LOC112694756: variants seen among roughly 807,000 people sequenced by gnomAD.
chr16:30,067,445 C>T, the LOC112694756 span: 92 of 1,613,332 alleles, frequency 5.7e-5, no homozygotes, highest in Non-Finnish European at 7.4e-5. Flanking sequence ...ATGTGACACT[C>T]CCAGGGAGCA....
chr16:30,069,617 A>C, the LOC112694756 span: 1 of 1,614,070 alleles, frequency 6.2e-7, no homozygotes, highest in South Asian at 1.1e-5. Flanking sequence ...TCTCATGAGG[A>C]GATTGCCATG....
chr16:30,065,542 C>T, the LOC112694756 span: 1 of 152,436 alleles, frequency 6.6e-6, no homozygotes, highest in South Asian at 2.1e-4. Flanking sequence ...CCCTAGCGAC[C>T]CGCGGGATGT....
the LOC112694756 span, among the ~76,000 whole-genome samples, chr16:30,060,856 G>GT: frequency 2.0e-5 from 3 of 152,186 alleles, no homozygotes; most frequent in African/African-American, 4.8e-5. Context: ...TCTGTTGACA[G>GT]TAGCACAGCC....
chr16:30,060,588 C>T, the LOC112694756 span, among the ~76,000 whole-genome samples: 4 of 152,152 alleles, frequency 2.6e-5, no homozygotes, highest in Non-Finnish European at 5.9e-5. Flanking sequence ...ATGACAAGAT[C>T]TAAACCCTTC....
chr16:30,065,261 G>A, the LOC112694756 span, among the ~76,000 whole-genome samples: 8 of 152,196 alleles, frequency 5.3e-5, no homozygotes, highest in Non-Finnish European at 1.5e-5. Flanking sequence ...TCGGCTCCGC[G>A]CCGATTCAGC....
the LOC112694756 span, among the ~76,000 whole-genome samples, chr16:30,056,649 G>A: frequency 1.3e-5 from 2 of 152,050 alleles, no homozygotes; most frequent in Non-Finnish European, 2.9e-5. Context: ...CACCCAGGCT[G>A]GAGTCTGGTG....
chr16:30,069,632 C>T, the LOC112694756 span: 1 of 1,613,782 alleles, frequency 6.2e-7, no homozygotes, highest in Non-Finnish European at 8.5e-7. Flanking sequence ...GCCATGGCGA[C>T]CGTCACAGCG....
At chr16:30,053,262 G>C in the LOC112694756 span, 2 of 152,602 alleles carry the variant, frequency 1.3e-5, no homozygotes, top group African/African-American at 4.8e-5. Context: ...TGTGGGGACT[G>C]AGGAGGGGAG....
At chr16:30,068,949 C>T in the LOC112694756 span, 1 of 1,614,244 alleles carries the variant, frequency 6.2e-7, no homozygotes, top group South Asian at 1.1e-5. Context: ...TGCCAATGTT[C>T]TGGCCCGTTA....
the LOC112694756 span, chr16:30,064,058 G>A: frequency 7.5e-6 from 3 of 398,914 alleles, no homozygotes; most frequent in Non-Finnish European, 1.3e-5. Flanking sequence ...GAAAAGAGAG[G>A]GGCTAGTGCT....
At chr16:30,057,274 C>T in the LOC112694756 span, among the ~76,000 whole-genome samples, 2 of 152,102 alleles carry the variant, frequency 1.3e-5, no homozygotes, top group Admixed American at 1.3e-4. Flanking sequence ...TGTGTAGACA[C>T]ATAAGGGTTA....
At chr16:30,061,548 CTTTTTTTTTT>C in the LOC112694756 span, among the ~76,000 whole-genome samples, 64 of 65,624 alleles carry the variant, frequency 9.8e-4, no homozygotes, top group African/African-American at 2.5e-3. Context: ...CCTCCATTTC[CTTTTTTTTTT>C]TTTTTTTTTT....
At chr16:30,055,034 CT>C in the LOC112694756 span, 1 of 398,754 alleles carries the variant, frequency 2.5e-6, no homozygotes, top group African/African-American at 2.1e-5. Flanking sequence ...ACATTTAGCC[CT>C]TGCATCTATC....
At chr16:30,061,705 G>C in the LOC112694756 span, among the ~76,000 whole-genome samples, 2 of 151,230 alleles carry the variant, frequency 1.3e-5, no homozygotes, top group Non-Finnish European at 2.9e-5. Flanking sequence ...GATTACAGGT[G>C]CACCCCACCA....
chr16:30,065,553 G>A, the LOC112694756 span: 1 of 152,318 alleles, frequency 6.6e-6, no homozygotes, highest in South Asian at 2.1e-4. Context: ...CGCGGGATGT[G>A]GTCCGAGTCA....
chr16:30,055,246 G>C, the LOC112694756 span: 2 of 399,432 alleles, frequency 5.0e-6, no homozygotes, highest in Non-Finnish European at 8.8e-6. Flanking sequence ...ACTGCTGCTG[G>C]ACCTGTGCAG....
chr16:30,065,478 G>A, the LOC112694756 span, among the ~76,000 whole-genome samples: 1 of 152,196 alleles, frequency 6.6e-6, no homozygotes, highest in Non-Finnish European at 1.5e-5. Flanking sequence ...CATTCTGGCT[G>A]AGTCACGGCG....
At chr16:30,069,700 T>A in the LOC112694756 span, 4 of 1,611,176 alleles carry the variant, frequency 2.5e-6, no homozygotes, top group East Asian at 6.7e-5. Flanking sequence ...TCTTGATCTC[T>A]ATGCAGTAGA....
At chr16:30,056,075 A>G in the LOC112694756 span, among the ~76,000 whole-genome samples, 1 of 144,432 alleles carries the variant, frequency 6.9e-6, no homozygotes, top group African/African-American at 2.6e-5. Context: ...TGCTGGGATT[A>G]CAGGCGTGAG....
Sources: allele counts gnomAD v4.1 joint callset (sites outside exome capture counted in the v4.1 genomes callset), GRCh38; gene constraint gnomAD v4.1.1; transcripts MANE v1.5.